Variants in GAB2 observed in about 807,000 individuals in gnomAD.
GAB2 encodes the protein GRB2 associated binding protein 2.
GAB2 carries 26 observed loss-of-function variants against 65.5 expected under a neutral mutation model. The ratio of observed to expected loss-of-function variants is 0.40; its 90% CI spans 0.29 to 0.55. The LOEUF (loss-of-function observed/expected upper bound fraction) is 0.55. GAB2 is among the 20% of genes least tolerant of loss of function. The pLI is 0.53. For synonymous variants in GAB2, 321 were observed against 329.6 expected, an observed-to-expected ratio of 0.97 and a Z score of 0.28; for missense variants, 884 against 875.8, an observed-to-expected ratio of 1.01 and a Z score of -0.12.
At position 78,215,418 on chromosome 11, in the gene GAB2, C is replaced by T. The variant is rs1478119563; in HGVS notation, c.*3854G>A. On this transcript the variant is annotated 3_prime_UTR_variant, in exon 10 of 10. Transcript: ENST00000361507. The stretch of plus-strand genomic sequence containing the variant: ...AAACATGACCCACTTGAACACACTC[C>T]TGTCCCACCCACCGGATAAATATGT... 6 of 152,594 alleles carry T rather than the reference C, an allele frequency of 3.9e-5. No individual in the cohort carries two copies. The highest frequency in any genetic ancestry group is 1.2e-4 in the African/African-American group (5 of 41,410). 9.5% of individuals were successfully genotyped at this position (152,594 alleles called of 1,614,324 possible).
chr11:78,226,432 T>TCCC (rs758059645), intron 4 of GAB2, 33 bp downstream of exon 4: 1 of 1,521,674 alleles, frequency 6.6e-7, no homozygotes, highest in Non-Finnish European at 9.1e-7. Context: ...TACCTCCTCC[T>TCCC]CCCTCTGAGT....
chr11:78,236,352 T>A (rs1013339958), intron 3 of GAB2, among the ~76,000 whole-genome samples: 1 of 152,244 alleles, frequency 6.6e-6, no homozygotes, highest in South Asian at 2.1e-4. Context: ...GGTTTCGCCA[T>A]GTTGCTCAGG....
intron 1 of GAB2, among the ~76,000 whole-genome samples, chr11:78,337,107 G>A (rs981735634): frequency 1.3e-5 from 2 of 152,176 alleles, no homozygotes; most frequent in Non-Finnish European, 2.9e-5. Context: ...CCAGCCTTGC[G>A]ATTAAATGCT....
chr11:78,366,662 C>T (rs1332791658), intron 1 of GAB2, among the ~76,000 whole-genome samples: 1 of 147,900 alleles, frequency 6.8e-6, no homozygotes, highest in Non-Finnish European at 1.5e-5. Flanking sequence ...GTTAATTTAC[C>T]CTGCTACCAA....
chr11:78,231,336 G>GGTGTGTGTGTGTGTGT (rs58651538), intron 3 of GAB2, among the ~76,000 whole-genome samples: 2,608 of 145,854 alleles, frequency 0.018, 39 homozygotes, highest in Non-Finnish European at 0.022. Flanking sequence ...GCGCGTGTGT[G>GGTGTGTGTGTGTGTGT]GTGTGTGTGT....
At chr11:78,235,833 T>G (rs776451324) in intron 3 of GAB2, among the ~76,000 whole-genome samples, 32 of 152,170 alleles carry the variant, frequency 2.1e-4, no homozygotes, top group Non-Finnish European at 3.8e-4. Flanking sequence ...TTTCCTGTCT[T>G]CTTCTGAGCC....
intron 1 of GAB2, among the ~76,000 whole-genome samples, chr11:78,301,337 G>T (rs7103329): frequency 0.29 from 40,922 of 142,416 alleles, 7,622 homozygotes; most frequent in African/African-American, 0.53. Flanking sequence ...GTGGTTTTTT[G>T]TTTTTTTTTT....
chr11:78,325,111 T>A (rs1855799478), intron 1 of GAB2, among the ~76,000 whole-genome samples: 1 of 152,206 alleles, frequency 6.6e-6, no homozygotes, highest in South Asian at 2.1e-4. Context: ...TTGAGAACCT[T>A]AGAGATGGAA....
chr11:78,361,139 A>G (rs1219913296), intron 1 of GAB2, among the ~76,000 whole-genome samples: 1 of 152,248 alleles, frequency 6.6e-6, no homozygotes, highest in Non-Finnish European at 1.5e-5. Flanking sequence ...TCCATGGGAA[A>G]GATTTAATGA....
intron 1 of GAB2, among the ~76,000 whole-genome samples, chr11:78,407,666 A>T (rs868225694): frequency 2.4e-5 from 3 of 122,716 alleles, no homozygotes. Context: ...AGTAAGAAAG[A>T]AAGAAAGAAA....
intron 1 of GAB2, among the ~76,000 whole-genome samples, chr11:78,343,115 T>C (rs1434527247): frequency 1.3e-5 from 2 of 152,130 alleles, no homozygotes; most frequent in Non-Finnish European, 2.9e-5. Context: ...TTTTGAGGAA[T>C]CAACTTGTCA....
intron 1 of GAB2, among the ~76,000 whole-genome samples, chr11:78,348,446 A>C (rs1270259619): frequency 6.6e-6 from 1 of 152,238 alleles, no homozygotes. Flanking sequence ...CAGATACTAG[A>C]CAAAAGAAGA....
At chr11:78,333,008 A>G (rs1855941399) in intron 1 of GAB2, among the ~76,000 whole-genome samples, 1 of 152,220 alleles carries the variant, frequency 6.6e-6, no homozygotes, top group South Asian at 2.1e-4. Context: ...ATCTCTTATA[A>G]TTTAATGGGA....
chr11:78,303,604 C>T (rs1867092181), intron 1 of GAB2, among the ~76,000 whole-genome samples: 1 of 152,096 alleles, frequency 6.6e-6, no homozygotes. Flanking sequence ...TGTAAGTTCT[C>T]CAACTTTGTT....
intron 1 of GAB2, among the ~76,000 whole-genome samples, chr11:78,382,203 T>C (rs1279665713): frequency 6.6e-6 from 1 of 152,072 alleles, no homozygotes; most frequent in Non-Finnish European, 1.5e-5. Context: ...TATGTCGGAA[T>C]TGCAGCATCT....
At position 78,225,370 on chromosome 11, in the gene GAB2, A is replaced by G. The variant is rs577105982; in HGVS notation, c.1208-168T>C. 2.0e-5 allele frequency among the ~76,000 whole-genome samples: 3 copies of G among 152,296 alleles called. No individual in the cohort carries two copies. The South Asian group carries it at 6.2e-4, about 32-fold the overall frequency. ...GAACACATCACTCCTCAGTTCAAAA[A>G]TTCCTCCTGGGCTTCTAGATGTAGC... On this transcript the variant is annotated intron_variant, in intron 4 of 9. Transcript: ENST00000361507.
intron 1 of GAB2, among the ~76,000 whole-genome samples, chr11:78,389,325 T>TTTA (rs1856805058): frequency 6.6e-6 from 1 of 151,350 alleles, no homozygotes; most frequent in Non-Finnish European, 1.5e-5. Flanking sequence ...TTTTTTTTTT[T>TTTA]GAGACAGAGT....
chr11:78,383,515 G>A (rs1324064889), intron 1 of GAB2, among the ~76,000 whole-genome samples: 3 of 147,268 alleles, frequency 2.0e-5, no homozygotes, highest in African/African-American at 5.1e-5. Flanking sequence ...GAGGCGAGGT[G>A]GACAAAATCA....
chr11:78,348,745 T>C (rs1856229103), intron 1 of GAB2, among the ~76,000 whole-genome samples: 1 of 152,184 alleles, frequency 6.6e-6, no homozygotes, highest in Admixed American at 6.5e-5. Context: ...AATGAAAATG[T>C]ATGCTCCACA....
Sources: allele counts gnomAD v4.1 joint callset (sites outside exome capture counted in the v4.1 genomes callset), GRCh38; gene constraint gnomAD v4.1.1; transcripts MANE v1.5; gene names NCBI Gene and HGNC (gene_info 2026-07-23, HGNC 2026-07-21).